SDK1: variants seen among roughly 807,000 people sequenced by gnomAD.
The protein encoded by SDK1 is sidekick cell adhesion molecule 1, also known as protein sidekick-1.
SDK1 carries 157 observed loss-of-function variants against 245.5 expected under a neutral mutation model. That is an observed-to-expected ratio of 0.64 (90% CI 0.56 to 0.73). The LOEUF is 0.73. SDK1 is among the 30% of genes least tolerant of loss of function. The probability of loss-of-function intolerance (pLI) is 0.00; values close to 1 mark genes in which losing one functional copy is unlikely to be tolerated. For missense variants in SDK1, 3,583 were observed against 3,002.3 expected, an observed-to-expected ratio of 1.19 and a Z score of -4.52; for synonymous variants, 1,647 against 1,278.5, an observed-to-expected ratio of 1.29 and a Z score of -6.15.
chr7:3,597,473 A>G (rs962999687), intron 1 of SDK1, among the ~76,000 whole-genome samples: 1 of 152,142 alleles, frequency 6.6e-6, no homozygotes, highest in African/African-American at 2.4e-5. Context: ...GAAACAGGAC[A>G]CAGAACACCG....
intron 43 of SDK1, among the ~76,000 whole-genome samples, chr7:4,242,203 C>T (rs1359622591): frequency 2.0e-5 from 3 of 152,162 alleles, no homozygotes; most frequent in Non-Finnish European, 4.4e-5. Context: ...GGCTGGCCTT[C>T]TGTGTCAATC....
chr7:3,559,117 A>G (rs1215061430), intron 1 of SDK1, among the ~76,000 whole-genome samples: 1 of 152,222 alleles, frequency 6.6e-6, no homozygotes, highest in East Asian at 1.9e-4. Context: ...CCTTGAAGCC[A>G]TTAGTGTGTA....
chr7:3,876,866 G>A (rs1329914049), intron 5 of SDK1, among the ~76,000 whole-genome samples: 1 of 152,092 alleles, frequency 6.6e-6, no homozygotes, highest in Non-Finnish European at 1.5e-5. Flanking sequence ...TTCACACAGG[G>A]GCCCCAAAAT....
intron 14 of SDK1, among the ~76,000 whole-genome samples, chr7:4,007,691 G>A (rs920954051): frequency 2.0e-5 from 3 of 151,954 alleles, no homozygotes; most frequent in East Asian, 1.9e-4. Context: ...TACAACCTCC[G>A]CCTCCCGGGT....
chr7:4,173,042 G>A (rs887032711), intron 32 of SDK1, among the ~76,000 whole-genome samples: 1 of 152,218 alleles, frequency 6.6e-6, no homozygotes, highest in African/African-American at 2.4e-5. Context: ...CAGCAAAGGG[G>A]CTCTCGTGCA....
chr7:4,172,698 G>A lies in SDK1; in HGVS notation c.4801-1524G>A, dbSNP rs560145981. On this transcript the variant is annotated intron_variant, in intron 32 of 44. Transcript: ENST00000404826. ...AAGTCCAAACTCAAGGTGTCGGCAG[G>A]GTCCTGCTGCCTCTGAGGGCTCCAG... 2.2e-4 allele frequency among the ~76,000 whole-genome samples: 33 copies of A among 152,272 alleles called. No homozygotes were observed. The South Asian group carries it at 6.4e-3, about 30-fold the overall frequency.
At position 4,149,373 on chromosome 7, in the gene SDK1, T is replaced by C; in HGVS notation, c.4535T>C (p.Phe1512Ser). Residue 1512 changes from phenylalanine to serine, a missense_variant, in exon 30 of 45, where the codon TTC (phenylalanine) becomes TCC (serine). Transcript: ENST00000404826. ...GACGGGGCCTCCCCCATCCGGTACT[T>C]CACCATGCAGGTGCGAGAGCTGCCT... ...GSDGASPIRY[F>S]TMQVRELPRG... 6.3e-7 allele frequency: 1 copy of C among 1,592,248 alleles called. No homozygotes were observed. The highest frequency in any genetic ancestry group is 8.5e-7 in the Non-Finnish European group (1 of 1,170,116).
At chr7:3,642,804 G>T (rs533845707) in intron 4 of SDK1, 11 of 152,150 alleles carry the variant, frequency 7.2e-5, no homozygotes. Flanking sequence ...CTAATTTAAA[G>T]ACAATATTCC....
Position 4,268,427 on chromosome 7 carries a change from T to A in SDK1, c.*3043T>A, listed in dbSNP as rs1788602658. On this transcript the variant is annotated 3_prime_UTR_variant, in exon 45 of 45. Transcript: ENST00000404826. ...CAAGCCCCTCTCCCCAGCCTCGCCT[T>A]CAGCCTCTCTCCCAGCCTGCTTTTA... 1 of 1,108,672 alleles carries A rather than the reference T, an allele frequency of 9.0e-7. No individual in the cohort carries two copies. Among genetic ancestry groups the A allele is most frequent in the Admixed American group, 4.4e-5 (1 of 22,926 alleles). 68.7% of individuals were successfully genotyped at this position (1,108,672 alleles called of 1,614,324 possible).
intron 22 of SDK1, among the ~76,000 whole-genome samples, chr7:4,108,774 A>C (rs1387053080): frequency 6.6e-6 from 1 of 152,174 alleles, no homozygotes; most frequent in Non-Finnish European, 1.5e-5. Context: ...GTCTAGTTCC[A>C]AAACATTTTT....
intron 5 of SDK1, among the ~76,000 whole-genome samples, chr7:3,945,526 G>C (rs569506115): frequency 4.6e-5 from 7 of 152,058 alleles, no homozygotes; most frequent in Non-Finnish European, 7.4e-5. Context: ...AATGAAAAAT[G>C]AACAGAGGAC....
chr7:3,995,971 T>C (rs906797858), intron 14 of SDK1, among the ~76,000 whole-genome samples: 3 of 152,186 alleles, frequency 2.0e-5, no homozygotes, highest in Non-Finnish European at 4.4e-5. Context: ...ACTTTTGTGT[T>C]TGGATATTTC....
chr7:3,790,636 C>A lies in SDK1; in HGVS notation c.714-30814C>A, dbSNP rs527375626. On this transcript the variant is annotated intron_variant, in intron 4 of 44. Transcript: ENST00000404826. ...AACCCTGACCAACATGGTGAAACCC[C>A]ATCTCACTAAAAATACAAAATTATC... 5.5e-4 allele frequency among the ~76,000 whole-genome samples: 84 copies of A among 152,222 alleles called. No homozygotes were observed. In the South Asian group the frequency reaches 0.017, roughly 31 times the overall value.
intron 28 of SDK1, among the ~76,000 whole-genome samples, chr7:4,142,661 C>T (rs1779658857): frequency 6.6e-6 from 1 of 152,160 alleles, no homozygotes; most frequent in Admixed American, 6.5e-5. Flanking sequence ...CAGGGTTTCA[C>T]CATGTTGGCC....
At chr7:3,584,099 C>A (rs544103538) in intron 1 of SDK1, among the ~76,000 whole-genome samples, 17 of 152,046 alleles carry the variant, frequency 1.1e-4, no homozygotes, top group Non-Finnish European at 1.8e-4. Flanking sequence ...ATACTTTTTC[C>A]CTTAGTATGT....
Position 4,227,750 on chromosome 7 carries a change from G to A in SDK1, c.5828-5505G>A, listed in dbSNP as rs188047141. 1.2e-3 allele frequency among the ~76,000 whole-genome samples: 176 copies of A among 152,362 alleles called. 3 individuals carry two copies. The highest frequency in any genetic ancestry group is 3.7e-3 in the African/African-American group (152 of 41,590). On this transcript the variant is annotated intron_variant, in intron 40 of 44. Transcript: ENST00000404826. ...TGCAGCACGCAGCTCCGTTCTGGGCGTTGGAGGGATAAATTGAGTGCAGAC... is the reference window on the plus strand; with the variant it reads ...TGCAGCACGCAGCTCCGTTCTGGGCATTGGAGGGATAAATTGAGTGCAGAC...
intron 1 of SDK1, among the ~76,000 whole-genome samples, chr7:3,413,441 TC>T (rs1779269492): frequency 6.6e-6 from 1 of 152,184 alleles, no homozygotes; most frequent in African/African-American, 2.4e-5. Flanking sequence ...ACATCTGTAA[TC>T]CCAGCACTTT....
chr7:4,024,335 T>C (rs922049078), intron 17 of SDK1, among the ~76,000 whole-genome samples: 3 of 152,090 alleles, frequency 2.0e-5, no homozygotes, highest in African/African-American at 7.2e-5. Context: ...AAATTCTCAA[T>C]GTGGCATTAA....
chr7:3,308,480 T>A (rs1779472677), intron 1 of SDK1, among the ~76,000 whole-genome samples: 1 of 152,142 alleles, frequency 6.6e-6, no homozygotes, highest in Non-Finnish European at 1.5e-5. Context: ...AACTGGCACT[T>A]TATTGATATA....
Sources: gnomAD v4.1 joint callset for allele counts (sites outside exome capture counted in the v4.1 genomes callset) on GRCh38, gnomAD v4.1.1 for gene constraint, MANE v1.5 for transcripts, NCBI Gene and HGNC (gene_info 2026-07-23, HGNC 2026-07-21) for gene names.